GRM5: variants seen among roughly 807,000 people sequenced by gnomAD.
GRM5 encodes the protein glutamate metabotropic receptor 5.
GRM5 carries 19 observed loss-of-function variants against 83.1 expected under a neutral mutation model. The observed-to-expected ratio is 0.23, with a 90% CI of 0.16 to 0.34. GRM5 has a LOEUF of 0.34. Among genes scored for constraint, GRM5 ranks in the 10% least tolerant of loss-of-function variants. The pLI, the probability that GRM5 is intolerant of heterozygous loss-of-function variation, is 1.00. For synonymous variants in GRM5, 675 were observed against 633.6 expected, an observed-to-expected ratio of 1.07 and a Z score of -0.98; for missense variants, 1,160 against 1,588.3, an observed-to-expected ratio of 0.73 and a Z score of 4.58.
chr11:88,585,382 T>C (rs559898486), intron 7 of GRM5, among the ~76,000 whole-genome samples: 2 of 152,356 alleles, frequency 1.3e-5, no homozygotes, highest in African/African-American at 4.8e-5. Flanking sequence ...ATTGGAACAG[T>C]GAAAGTGCTA....
chr11:88,972,238 G>A (rs538602075), intron 2 of GRM5, among the ~76,000 whole-genome samples: 1 of 152,088 alleles, frequency 6.6e-6, no homozygotes, highest in South Asian at 2.1e-4. Context: ...TCCAACCAGA[G>A]ACATTCCAAC....
chr11:88,812,323 A>G (rs1392579941), intron 3 of GRM5, among the ~76,000 whole-genome samples: 2 of 152,152 alleles, frequency 1.3e-5, no homozygotes, highest in Non-Finnish European at 2.9e-5. Context: ...TGCAAAAACC[A>G]TATTTGTGAG....
rs370536567 is a variant in GRM5 at position 88,701,997 on chromosome 11, G to T, written c.912-48594C>A. On this transcript the variant is annotated intron_variant, in intron 3 of 9. Transcript: ENST00000305447. Reference sequence around the variant, plus strand: ...CTAACATTAATGCTGGCCAGTTGTTGTGTCTAAAGTCCAAAAAGGAAGGGA... The same window carrying T: ...CTAACATTAATGCTGGCCAGTTGTTTTGTCTAAAGTCCAAAAAGGAAGGGA... Among the ~76,000 whole-genome samples the T allele has an allele frequency of 2.4e-4, 37 of 152,148 alleles. 1 individual carries two copies. Among genetic ancestry groups the T allele is most frequent in the African/African-American group, 8.7e-4 (36 of 41,530 alleles).
chr11:88,665,329 C>G (rs72639202), intron 3 of GRM5, among the ~76,000 whole-genome samples: 3,150 of 152,062 alleles, frequency 0.021, 89 homozygotes, highest in East Asian at 0.12. Context: ...TAGTAAGAGT[C>G]TCTCTAATAA....
chr11:89,052,067 A>C lies in GRM5; in HGVS notation c.-200-3995T>G, dbSNP rs865912999. The stretch of plus-strand genomic sequence containing the variant: ...TAGTGCATTTTGACAGCATTAATAC[A>C]GATAGGGTAGACTAGCACATAAACA... On this transcript the variant is annotated intron_variant, in intron 1 of 9. Transcript: ENST00000305447. Among the ~76,000 whole-genome samples, 17 of 152,342 alleles carry C rather than the reference A, an allele frequency of 1.1e-4. No homozygotes were observed. In the Middle Eastern group the frequency reaches 0.017, roughly 152 times the overall value.
At chr11:89,018,483 T>C (rs753172604) in intron 2 of GRM5, among the ~76,000 whole-genome samples, 1 of 152,238 alleles carries the variant, frequency 6.6e-6, no homozygotes, top group Admixed American at 6.5e-5. Context: ...AAAATGCATT[T>C]ATTTGTTCTA....
intron 9 of GRM5, among the ~76,000 whole-genome samples, chr11:88,510,913 T>C (rs1941351999): frequency 6.6e-6 from 1 of 152,176 alleles, no homozygotes; most frequent in Non-Finnish European, 1.5e-5. Context: ...TCAAGACAGC[T>C]CTGTTCTAGG....
intron 3 of GRM5, among the ~76,000 whole-genome samples, chr11:88,816,240 A>G (rs866285647): frequency 7.0e-4 from 97 of 138,772 alleles, no homozygotes; most frequent in Middle Eastern, 3.9e-3. Context: ...AAAAAAAAAA[A>G]AAAAAGAAAT....
intron 2 of GRM5, among the ~76,000 whole-genome samples, chr11:88,981,322 C>T (rs1939514452): frequency 6.6e-6 from 1 of 152,102 alleles, no homozygotes; most frequent in Non-Finnish European, 1.5e-5. Context: ...TCTAGTGTTA[C>T]ATATATTCAA....
At chr11:88,900,894 T>C (rs866963335) in intron 2 of GRM5, among the ~76,000 whole-genome samples, 12 of 152,162 alleles carry the variant, frequency 7.9e-5, no homozygotes, top group Non-Finnish European at 1.5e-4. Flanking sequence ...AAAACCACCT[T>C]ATGAAATGCA....
intron 3 of GRM5, among the ~76,000 whole-genome samples, chr11:88,781,145 A>G (rs1320953854): frequency 1.4e-5 from 2 of 146,470 alleles, no homozygotes; most frequent in East Asian, 2.0e-4. Context: ...ATATATATAT[A>G]TATGTATATA....
intron 2 of GRM5, among the ~76,000 whole-genome samples, chr11:88,852,146 A>C (rs2135542473): frequency 6.6e-6 from 1 of 152,288 alleles, no homozygotes; most frequent in East Asian, 1.9e-4. Context: ...TTCTCAATAC[A>C]TTCACTGTTA....
intron 2 of GRM5, among the ~76,000 whole-genome samples, chr11:89,036,217 T>C (rs1941381641): frequency 6.6e-6 from 1 of 152,004 alleles, no homozygotes; most frequent in South Asian, 2.1e-4. Context: ...CCTCTCAACA[T>C]ATATCACCAA....
chr11:88,694,238 A>G (rs1940850817), intron 3 of GRM5, among the ~76,000 whole-genome samples: 1 of 152,210 alleles, frequency 6.6e-6, no homozygotes, highest in Non-Finnish European at 1.5e-5. Context: ...CTTTTAATTT[A>G]TCAGCTTGGT....
At chr11:88,685,275 C>G (rs909333229) in intron 3 of GRM5, among the ~76,000 whole-genome samples, 2 of 152,118 alleles carry the variant, frequency 1.3e-5, no homozygotes, top group African/African-American at 4.8e-5. Flanking sequence ...TTTGCTCCTG[C>G]CCTAGAGATT....
At chr11:88,901,088 C>T (rs1172689754) in intron 2 of GRM5, among the ~76,000 whole-genome samples, 3 of 152,060 alleles carry the variant, frequency 2.0e-5, no homozygotes, top group Non-Finnish European at 4.4e-5. Flanking sequence ...GGAACTTAAA[C>T]ATATTACCTG....
chr11:88,882,248 G>A (rs12418286), intron 2 of GRM5, among the ~76,000 whole-genome samples: 2,556 of 143,960 alleles, frequency 0.018, 43 homozygotes, highest in East Asian at 0.07. Context: ...AAATAAGTAA[G>A]TAAATAAATA....
chr11:88,560,497 T>C (rs1942729775), intron 8 of GRM5, among the ~76,000 whole-genome samples: 1 of 152,166 alleles, frequency 6.6e-6, no homozygotes, highest in Non-Finnish European at 1.5e-5. Flanking sequence ...TGAGTAGGCA[T>C]TCAATGGAAG....
intron 2 of GRM5, among the ~76,000 whole-genome samples, chr11:88,982,306 A>C (rs1365549639): frequency 2.6e-5 from 4 of 152,198 alleles, no homozygotes; most frequent in African/African-American, 9.6e-5. Flanking sequence ...CATAGCCCTT[A>C]CATTTATAAT....
Sources: allele counts gnomAD v4.1 joint callset (sites outside exome capture counted in the v4.1 genomes callset), GRCh38; gene constraint gnomAD v4.1.1; transcripts MANE v1.5; gene names NCBI Gene and HGNC (gene_info 2026-07-23, HGNC 2026-07-21).